Variants in SPMIP2 observed in about 807,000 individuals in gnomAD.
The protein encoded by SPMIP2 is protein SPMIP2.
At chr4:159,072,584 C>G in the SPMIP2 span, among the ~76,000 whole-genome samples, 1 of 151,210 alleles carries the variant, frequency 6.6e-6, no homozygotes, top group Non-Finnish European at 1.5e-5. Context: ...TGCCTCAGCT[C>G]CCCGAGCAGC....
At chr4:158,981,937 G>A in the SPMIP2 span, among the ~76,000 whole-genome samples, 2 of 151,990 alleles carry the variant, frequency 1.3e-5, no homozygotes, top group East Asian at 1.9e-4. Context: ...CTGGAAAGCT[G>A]GATAAAGAGT....
the SPMIP2 span, among the ~76,000 whole-genome samples, chr4:159,033,362 T>C: frequency 3.9e-5 from 6 of 152,146 alleles, no homozygotes; most frequent in African/African-American, 1.4e-4. Context: ...CCATAACGTA[T>C]GGTACTATAA....
chr4:158,943,346 C>T, the SPMIP2 span, among the ~76,000 whole-genome samples: 10 of 152,098 alleles, frequency 6.6e-5, no homozygotes, highest in Non-Finnish European at 4.4e-5. Context: ...ATCATGGTGG[C>T]TTAACTCTTT....
At chr4:159,037,436 G>A in the SPMIP2 span, among the ~76,000 whole-genome samples, 5 of 143,794 alleles carry the variant, frequency 3.5e-5, no homozygotes, top group Admixed American at 1.4e-4. Flanking sequence ...ACCTCCTGCT[G>A]TTCCTTCCTT....
chr4:158,981,006 C>T, the SPMIP2 span, among the ~76,000 whole-genome samples: 2 of 152,134 alleles, frequency 1.3e-5, no homozygotes, highest in Non-Finnish European at 2.9e-5. Context: ...TAGAGAAGAA[C>T]ATAGATGACC....
the SPMIP2 span, among the ~76,000 whole-genome samples, chr4:159,028,988 G>A: frequency 1.3e-5 from 2 of 152,088 alleles, no homozygotes; most frequent in East Asian, 1.9e-4. Context: ...TCAGCTACTC[G>A]AGAGGCTAAG....
the SPMIP2 span, among the ~76,000 whole-genome samples, chr4:159,039,068 G>C: frequency 6.6e-6 from 1 of 151,992 alleles, no homozygotes; most frequent in Non-Finnish European, 1.5e-5. Context: ...AACCTTGACT[G>C]CCCTGGGCTC....
chr4:158,923,779 G>T, the SPMIP2 span, among the ~76,000 whole-genome samples: 3 of 152,042 alleles, frequency 2.0e-5, no homozygotes, highest in East Asian at 5.8e-4. Flanking sequence ...TGACATCCTT[G>T]TCTTGTTTTT....
the SPMIP2 span, among the ~76,000 whole-genome samples, chr4:159,028,179 A>C: frequency 6.6e-6 from 1 of 152,170 alleles, no homozygotes; most frequent in Admixed American, 6.5e-5. Flanking sequence ...CCATCTGAAA[A>C]AATAGGTTAA....
the SPMIP2 span, among the ~76,000 whole-genome samples, chr4:158,993,225 C>A: frequency 6.6e-6 from 1 of 151,884 alleles, no homozygotes; most frequent in Non-Finnish European, 1.5e-5. Flanking sequence ...AATTAGCCAG[C>A]CGCCCATGGC....
the SPMIP2 span, chr4:158,895,959 AGGCCCT>A: frequency 8.0e-6 from 7 of 871,822 alleles, no homozygotes; most frequent in Non-Finnish European, 1.3e-5. Context: ...CCTAAACCTC[AGGCCCT>A]GGTAACCCAT....
the SPMIP2 span, among the ~76,000 whole-genome samples, chr4:159,066,740 A>C: frequency 8.6e-5 from 13 of 151,856 alleles, no homozygotes; most frequent in Non-Finnish European, 2.9e-5. Context: ...GGAATTTGTA[A>C]CCTTATATCT....
the SPMIP2 span, among the ~76,000 whole-genome samples, chr4:158,943,611 C>T: frequency 3.3e-5 from 5 of 152,062 alleles, no homozygotes; most frequent in Non-Finnish European, 7.4e-5. Flanking sequence ...CCATGGAGAA[C>T]AAGGCCTTCA....
chr4:158,993,199 A>G, the SPMIP2 span, among the ~76,000 whole-genome samples: 23 of 151,500 alleles, frequency 1.5e-4, no homozygotes, highest in African/African-American at 4.8e-4. Flanking sequence ...TGTCTCTACA[A>G]AAAAAAAATT....
At chr4:159,023,362 G>C in the SPMIP2 span, among the ~76,000 whole-genome samples, 533 of 152,264 alleles carry the variant, frequency 3.5e-3, 2 homozygotes, top group Admixed American at 8.6e-3. Flanking sequence ...CTCAGGTTTG[G>C]AGTGGAACTG....
the SPMIP2 span, among the ~76,000 whole-genome samples, chr4:158,954,425 T>C: frequency 6.6e-6 from 1 of 152,198 alleles, no homozygotes; most frequent in African/African-American, 2.4e-5. Context: ...ATTAAACATC[T>C]TTTTCTTCCC....
the SPMIP2 span, among the ~76,000 whole-genome samples, chr4:159,067,014 G>T: frequency 6.6e-6 from 1 of 152,122 alleles, no homozygotes; most frequent in Admixed American, 6.5e-5. Flanking sequence ...TCAAAAAACT[G>T]ATCCCAATAA....
At chr4:158,907,275 CAG>C in the SPMIP2 span, 1 of 152,200 alleles carries the variant, frequency 6.6e-6, no homozygotes, top group South Asian at 2.1e-4. Flanking sequence ...TTTTATCAAT[CAG>C]TGTTAAATAG....
the SPMIP2 span, among the ~76,000 whole-genome samples, chr4:158,966,890 A>G: frequency 6.6e-6 from 1 of 152,328 alleles, no homozygotes; most frequent in Non-Finnish European, 1.5e-5. Context: ...TCTTCTAGAA[A>G]GTCACCTCTA....
Sources: allele counts gnomAD v4.1 joint callset (sites outside exome capture counted in the v4.1 genomes callset), GRCh38; gene constraint gnomAD v4.1.1; transcripts MANE v1.5; gene names NCBI Gene and HGNC (gene_info 2026-07-23, HGNC 2026-07-21).